The following SDCCAG8 variants were observed in gnomAD, a reference collection of about 807,000 sequenced individuals.
SDCCAG8 encodes the protein SHH signaling and ciliogenesis regulator SDCCAG8.
In SDCCAG8, 74 loss-of-function variants were observed where a neutral mutation model predicts 101.8. The ratio of observed to expected loss-of-function variants is 0.73; its 90% confidence interval spans 0.60 to 0.88. SDCCAG8 has a LOEUF of 0.88. Among genes scored for constraint, SDCCAG8 ranks in the 40% least tolerant of loss-of-function variants. SDCCAG8 has a pLI of 0.00. For synonymous variants in SDCCAG8, 281 were observed against 292.9 expected (o/e 0.96, Z 0.41); for missense variants, 787 against 822.6 (o/e 0.96, Z 0.53).
At chr1:243,282,313 AT>A (rs1558229800) in intron 4 of SDCCAG8, among the ~76,000 whole-genome samples, 1 of 152,154 alleles carries the variant, frequency 6.6e-6, no homozygotes, top group Non-Finnish European at 1.5e-5. Flanking sequence ...CACTTCTTGA[AT>A]AGTATAAATT....
At chr1:243,487,272 C>T (rs556957653) in intron 16 of SDCCAG8, among the ~76,000 whole-genome samples, 14 of 152,102 alleles carry the variant, frequency 9.2e-5, no homozygotes, top group Admixed American at 2.6e-4. Flanking sequence ...CCCGGGCCCC[C>T]CCCTGGGGCC....
chr1:243,338,029 C>T (rs1175522242), intron 10 of SDCCAG8, among the ~76,000 whole-genome samples: 1 of 151,974 alleles, frequency 6.6e-6, no homozygotes, highest in Non-Finnish European at 1.5e-5. Flanking sequence ...CAAGCAATCC[C>T]CCTGCCTCAG....
intron 9 of SDCCAG8, among the ~76,000 whole-genome samples, chr1:243,329,321 T>C (rs1405232857): frequency 6.6e-6 from 1 of 152,156 alleles, no homozygotes; most frequent in Non-Finnish European, 1.5e-5. Context: ...TAGAAACTTT[T>C]CAGAAGAGAC....
rs192536580 is a variant in SDCCAG8, at chr1:243,263,718, G to A, written c.68-6387G>A. 4.1e-4 allele frequency among the ~76,000 whole-genome samples: 62 copies of A among 152,224 alleles called. No individual in the cohort carries two copies. The East Asian group carries it at 0.01, about 25-fold the overall frequency. On this transcript the variant is annotated intron_variant, in intron 1 of 17. Coordinates refer to ENST00000366541, the MANE Select transcript of SDCCAG8 (RefSeq NM_006642.5). ...TTTACTCCTGGCGCCAACCACTTTAGCATGTTTTCAGTTATTAGAGTCTTA... is the reference window on the plus strand; with the variant it reads ...TTTACTCCTGGCGCCAACCACTTTAACATGTTTTCAGTTATTAGAGTCTTA...
chr1:243,323,133 TAAA>T (rs1008031575), intron 9 of SDCCAG8, among the ~76,000 whole-genome samples: 1 of 136,996 alleles, frequency 7.3e-6, no homozygotes. Flanking sequence ...GACTCCATCT[TAAA>T]AAAAAAAAAA....
chr1:243,289,887 G>A (rs1321114039), intron 5 of SDCCAG8, among the ~76,000 whole-genome samples: 1 of 151,932 alleles, frequency 6.6e-6, no homozygotes, highest in Non-Finnish European at 1.5e-5. Flanking sequence ...CCTGCTTGTA[G>A]CCCTGGACTT....
At chr1:243,280,967 T>C (rs1253589899) in intron 4 of SDCCAG8, among the ~76,000 whole-genome samples, 1 of 152,250 alleles carries the variant, frequency 6.6e-6, no homozygotes, top group Non-Finnish European at 1.5e-5. Flanking sequence ...TTGTGATTTT[T>C]ATAATTTTTG....
chr1:243,388,953 G>A (rs540215365), intron 13 of SDCCAG8, among the ~76,000 whole-genome samples: 3 of 148,778 alleles, frequency 2.0e-5, no homozygotes, highest in African/African-American at 7.5e-5. Flanking sequence ...GGTGGTGCGT[G>A]CCTGAGTCCT....
chr1:243,431,901 T>G (rs2081800379), intron 16 of SDCCAG8, among the ~76,000 whole-genome samples: 1 of 152,200 alleles, frequency 6.6e-6, no homozygotes, highest in African/African-American at 2.4e-5. Context: ...ATATATTGTT[T>G]AAAGTATATC....
At chr1:243,462,579 T>C (rs1454903552) in intron 16 of SDCCAG8, among the ~76,000 whole-genome samples, 3 of 152,332 alleles carry the variant, frequency 2.0e-5, no homozygotes, top group Admixed American at 6.5e-5. Context: ...AAAGAAGACA[T>C]TGTAGGTGCT....
rs543791436 is a variant in SDCCAG8 at position 243,484,099 on chromosome 1, G to T, written c.1986-4915G>T. On this transcript the variant is annotated intron_variant, in intron 16 of 17. Transcript: ENST00000366541. ...CGTGTTCCACAGGTACCTCGGACTC[G>T]CCCTGACCCCAGAACGTCTCTTCTA... is the stretch of plus-strand genomic sequence containing the variant. Among the ~76,000 whole-genome samples, 11 of 152,280 alleles carry T rather than the reference G, an allele frequency of 7.2e-5. No individual in the cohort carries two copies. The East Asian group carries it at 1.9e-3, about 27-fold the overall frequency.
rs567789725 is a variant in SDCCAG8, at chr1:243,443,242, A to C, written c.1985+16684A>C. Among the ~76,000 whole-genome samples the C allele has an allele frequency of 2.0e-5, 3 of 152,310 alleles. No homozygotes were observed. The South Asian group carries it at 6.2e-4, about 32-fold the overall frequency. ...GGAAAGGTTTGAGATAGAATAAGGA[A>C]AGTATTTGCTTGCTATTTAACTTGG... is the stretch of plus-strand genomic sequence containing the variant. On this transcript the variant is annotated intron_variant, in intron 16 of 17. Coordinates refer to ENST00000366541, the MANE Select transcript of SDCCAG8 (RefSeq NM_006642.5).
chr1:243,376,617 T>G (rs2077612746), intron 12 of SDCCAG8, among the ~76,000 whole-genome samples: 1 of 152,220 alleles, frequency 6.6e-6, no homozygotes, highest in African/African-American at 2.4e-5. Flanking sequence ...ACATTTTCTA[T>G]TCTGTCATTC....
At chr1:243,483,244 C>T (rs951806368) in intron 16 of SDCCAG8, among the ~76,000 whole-genome samples, 1 of 152,056 alleles carries the variant, frequency 6.6e-6, no homozygotes, top group African/African-American at 2.4e-5. Flanking sequence ...GAGCGCGCCC[C>T]CTGGGCTGGG....
rs552091609 is a variant in SDCCAG8 at position 243,495,704 on chromosome 1, C to T, written c.2113-4052C>T. The stretch of plus-strand genomic sequence containing the variant: ...GGAGTGCTCCCTTCTGACAGGTGGG[C>T]GGTCCTGCTCGAAGGCCGCGTTTCC... On this transcript the variant is annotated intron_variant, in intron 17 of 17. Transcript: ENST00000366541. 2.0e-4 allele frequency among the ~76,000 whole-genome samples: 30 copies of T among 152,302 alleles called. No individual in the cohort carries two copies. In the East Asian group the frequency reaches 5.6e-3, roughly 28 times the overall value.
chr1:243,415,659 A>G, intron 13 of SDCCAG8, 43 bp from the exon 14 acceptor site: 1 of 1,613,262 alleles, frequency 6.2e-7, no homozygotes, highest in Middle Eastern at 1.7e-4. Context: ...GGGTTTGTGC[A>G]TCTGCAGATT....
intron 12 of SDCCAG8, among the ~76,000 whole-genome samples, chr1:243,364,217 C>T (rs551206578): frequency 6.6e-6 from 1 of 152,054 alleles, no homozygotes; most frequent in East Asian, 1.9e-4. Flanking sequence ...TGAAAACCTT[C>T]CAACAAAATA....
At chr1:243,392,061 T>C (rs541029913) in intron 13 of SDCCAG8, among the ~76,000 whole-genome samples, 1 of 152,358 alleles carries the variant, frequency 6.6e-6, no homozygotes, top group South Asian at 2.1e-4. Context: ...GAAAATCCCC[T>C]ATTGTACTTG....
chr1:243,313,394 G>A (rs1000335197), intron 8 of SDCCAG8, among the ~76,000 whole-genome samples: 2 of 152,138 alleles, frequency 1.3e-5, no homozygotes, highest in African/African-American at 4.8e-5. Context: ...TTAAACACTT[G>A]GCTGAGATTG....
Sources: gnomAD v4.1 joint callset for allele counts (sites outside exome capture counted in the v4.1 genomes callset) on GRCh38, gnomAD v4.1.1 for gene constraint, MANE v1.5 for transcripts, NCBI Gene and HGNC (gene_info 2026-07-23, HGNC 2026-07-21) for gene names.